The following YPEL1 variants were observed in gnomAD, a reference collection of about 807,000 sequenced individuals.
The protein encoded by YPEL1 is yippee like 1, also known as protein yippee-like 1.
In YPEL1, 7 loss-of-function variants were observed where a neutral mutation model predicts 17.3. The observed-to-expected ratio is 0.40, with a 90% CI of 0.23 to 0.76. The LOEUF is 0.76. Ranked by LOEUF, YPEL1 falls within the 30% of genes least tolerant of loss-of-function variation. The pLI is 0.35. For synonymous variants in YPEL1, 59 were observed against 59.6 expected (o/e 0.99, Z 0.05); for missense variants, 91 against 155.5 (o/e 0.59, Z 2.21).
At chr22:21,726,208 G>T (rs2068334152) in intron 1 of YPEL1, among the ~76,000 whole-genome samples, 1 of 152,172 alleles carries the variant, frequency 6.6e-6, no homozygotes, top group Admixed American at 6.5e-5. Context: ...GGCCCTGCCA[G>T]CGCTGTCCAG....
intron 1 of YPEL1, among the ~76,000 whole-genome samples, chr22:21,719,273 T>C (rs971663385): frequency 7.2e-5 from 11 of 152,230 alleles, no homozygotes; most frequent in African/African-American, 2.7e-4. Flanking sequence ...TTCAAATCCA[T>C]GCATGTTGCA....
intron 2 of YPEL1, among the ~76,000 whole-genome samples, chr22:21,709,335 G>A (rs902120023): frequency 1.1e-4 from 17 of 152,294 alleles, no homozygotes; most frequent in African/African-American, 3.6e-4. Flanking sequence ...GTGCACACAG[G>A]AGCCCCAGAG....
Position 21,700,144 on chromosome 22 carries a change from A to T in YPEL1, c.*985T>A, listed in dbSNP as rs2148592307. 1 of 152,480 alleles carries T rather than the reference A, an allele frequency of 6.6e-6. No homozygotes were observed. The highest frequency in any genetic ancestry group is 2.4e-5 in the African/African-American group (1 of 41,580). The allele number at this position is 152,480 out of a possible 1,614,324, so 9.4% of individuals were successfully genotyped here. A position where few individuals can be genotyped will look rare whatever the true frequency, so the allele number is the denominator to read the frequency against. The stretch of plus-strand genomic sequence containing the variant: ...CTGGAAGATTCTTAAATAACACTGT[A>T]CTTTAAGGGTTCATTTGCAAGAGGA... On this transcript the variant is annotated 3_prime_UTR_variant, in exon 5 of 5. Coordinates refer to ENST00000339468, the MANE Select transcript of YPEL1 (RefSeq NM_013313.5).
intron 1 of YPEL1, among the ~76,000 whole-genome samples, chr22:21,714,312 C>G (rs897765009): frequency 6.6e-6 from 1 of 152,178 alleles, no homozygotes; most frequent in African/African-American, 2.4e-5. Flanking sequence ...TCCTTGGTGC[C>G]CCGGCCTGAG....
chr22:21,702,617 CA>C (rs921996661), intron 4 of YPEL1, among the ~76,000 whole-genome samples: 2 of 151,938 alleles, frequency 1.3e-5, no homozygotes, highest in African/African-American at 4.8e-5. Context: ...TCTCAAAAAA[CA>C]AACAAAACAA....
intron 1 of YPEL1, among the ~76,000 whole-genome samples, chr22:21,718,254 G>C (rs2148608029): frequency 6.6e-6 from 1 of 152,032 alleles, no homozygotes; most frequent in Non-Finnish European, 1.5e-5. Flanking sequence ...ATGAGGTCAG[G>C]AGATGGAGAC....
At chr22:21,712,865 T>G (rs1371445509) in intron 1 of YPEL1, among the ~76,000 whole-genome samples, 2 of 151,866 alleles carry the variant, frequency 1.3e-5, no homozygotes, top group Non-Finnish European at 2.9e-5. Context: ...GACCTATATA[T>G]CTATATTCTA....
rs1158256956 is a variant in YPEL1 at position 21,735,778 on chromosome 22, G to T, written c.-328C>A. 1 of 150,462 alleles carries T rather than the reference G, an allele frequency of 6.6e-6. No homozygotes were observed. Among genetic ancestry groups the T allele is most frequent in the African/African-American group, 2.4e-5 (1 of 41,200 alleles). The allele number at this position is 150,462 out of a possible 1,614,324, so 9.3% of individuals were successfully genotyped here. A position where few individuals can be genotyped will look rare whatever the true frequency, so the allele number is the denominator to read the frequency against. ...TCCTCCCGCCGCCGCCCCGCGGGCC[G>T]CCTGCCCTTTGTTTTGGAGCCGTAG... is the stretch of plus-strand genomic sequence containing the variant. On this transcript the variant is annotated 5_prime_UTR_variant, in exon 1 of 5. Coordinates refer to ENST00000339468, the MANE Select transcript of YPEL1 (RefSeq NM_013313.5).
In YPEL1 at chr22:21,703,478, C is replaced by T; in HGVS notation, c.162G>A (p.Val54=). Residue 54 remains valine (V), a splice_region_variant and synonymous_variant, in exon 4 of 5, where the codon GTG becomes GTA. Coordinates refer to ENST00000339468, the MANE Select transcript of YPEL1 (RefSeq NM_013313.5). The surrounding 1 kb of genome is among the most constrained non-coding windows in gnomAD (Gnocchi z 6.1). ...SQGRAYLFNS[V]VNVGCGPAEE... ...CTGCAGGGCCGCAGCCCACGTTCACCCTGCGGGGACAGAGGGGCCACTGCG... is the reference window on the plus strand; with the variant it reads ...CTGCAGGGCCGCAGCCCACGTTCACTCTGCGGGGACAGAGGGGCCACTGCG... 1 of 1,607,730 alleles carries T rather than the reference C, an allele frequency of 6.2e-7. No homozygotes were observed. Among genetic ancestry groups the T allele is most frequent in the South Asian group, 1.1e-5 (1 of 91,080 alleles).
intron 1 of YPEL1, among the ~76,000 whole-genome samples, chr22:21,731,812 T>C (rs958690365): frequency 2.0e-5 from 3 of 152,210 alleles, no homozygotes; most frequent in Admixed American, 1.3e-4. Flanking sequence ...CTACCTTCTT[T>C]GTAAAGTGGG....
intron 2 of YPEL1, among the ~76,000 whole-genome samples, chr22:21,707,299 C>A (rs1328222760): frequency 6.6e-6 from 1 of 152,106 alleles, no homozygotes; most frequent in African/African-American, 2.4e-5. Flanking sequence ...CACCTGTAGT[C>A]CCAGCTACTC....
rs536421002 is a variant in YPEL1 at position 21,700,286 on chromosome 22, C to G, written c.*843G>C. 6.6e-6 allele frequency: 1 copy of G among 152,320 alleles called. No individual in the cohort carries two copies. Among genetic ancestry groups the G allele is most frequent in the African/African-American group, 2.4e-5 (1 of 41,566 alleles). 9.4% of individuals were successfully genotyped at this position (152,320 alleles called of 1,614,324 possible). On this transcript the variant is annotated 3_prime_UTR_variant, in exon 5 of 5. Coordinates refer to ENST00000339468, the MANE Select transcript of YPEL1 (RefSeq NM_013313.5). Reference sequence around the variant, plus strand: ...CTTGCTATCTAAAGAGACCCTGTCCCTGTGGTCTTCAGAGACTCAGTCTGG... The same window carrying G: ...CTTGCTATCTAAAGAGACCCTGTCCGTGTGGTCTTCAGAGACTCAGTCTGG...
intron 1 of YPEL1, among the ~76,000 whole-genome samples, chr22:21,713,630 A>G (rs189100345): frequency 1.8e-4 from 27 of 152,340 alleles, no homozygotes; most frequent in African/African-American, 6.0e-4. Context: ...TGCAACATGA[A>G]GAATTCTGGA....
chr22:21,707,222 AG>A (rs2068124344), intron 2 of YPEL1, among the ~76,000 whole-genome samples: 1 of 152,190 alleles, frequency 6.6e-6, no homozygotes, highest in Non-Finnish European at 1.5e-5. Context: ...GTTCGAGACC[AG>A]CCTGGACAAC....
chr22:21,707,802 G>A (rs991880576), intron 2 of YPEL1, among the ~76,000 whole-genome samples: 2 of 152,176 alleles, frequency 1.3e-5, no homozygotes, highest in Admixed American at 6.5e-5. Flanking sequence ...AACTCCTCCT[G>A]TAAATTAGGG....
chr22:21,724,941 C>G (rs2068319744), intron 1 of YPEL1, among the ~76,000 whole-genome samples: 1 of 147,908 alleles, frequency 6.8e-6, no homozygotes, highest in South Asian at 2.1e-4. Context: ...GACTTTCGCT[C>G]TTTCCGCCCA....
chr22:21,714,122 G>C (rs538103120), intron 1 of YPEL1, among the ~76,000 whole-genome samples: 5 of 151,754 alleles, frequency 3.3e-5, no homozygotes, highest in African/African-American at 1.2e-4. Flanking sequence ...CCAGGACGGC[G>C]TCTGCCCCCC....
At chr22:21,712,285 T>C (rs530558837) in intron 1 of YPEL1, among the ~76,000 whole-genome samples, 3 of 150,514 alleles carry the variant, frequency 2.0e-5, no homozygotes, top group African/African-American at 7.3e-5. Flanking sequence ...TGTTAATATC[T>C]AGAATACATA....
Position 21,719,259 on chromosome 22 carries a change from C to T in YPEL1, c.-164-8351G>A, listed in dbSNP as rs187210230. ...ATGTCATGTGACAACTTGTCAGTAG[C>T]TCATTCAAATCCATGCATGTTGCAC... is the stretch of plus-strand genomic sequence containing the variant. On this transcript the variant is annotated intron_variant, in intron 1 of 4. Coordinates refer to ENST00000339468, the MANE Select transcript of YPEL1 (RefSeq NM_013313.5). Among the ~76,000 whole-genome samples, 92 of 152,314 alleles carry T rather than the reference C, an allele frequency of 6.0e-4. 1 individual carries two copies. Among genetic ancestry groups the T allele is most frequent in the Admixed American group, 1.4e-3 (22 of 15,288 alleles).
Sources: allele counts gnomAD v4.1 joint callset (sites outside exome capture counted in the v4.1 genomes callset), GRCh38; gene constraint gnomAD v4.1.1; non-coding constraint Gnocchi (gnomAD v3.1); transcripts MANE v1.5; gene names NCBI Gene and HGNC (gene_info 2026-07-23, HGNC 2026-07-21).